FAM193A: variants seen among roughly 807,000 people sequenced by gnomAD.
FAM193A encodes the protein family with sequence similarity 193 member A.
In FAM193A, 22 loss-of-function variants were observed where a neutral mutation model predicts 126.5. That is an observed-to-expected ratio of 0.17 (90% CI 0.12 to 0.25). The LOEUF is 0.25. FAM193A is among the 10% of genes least tolerant of loss of function. FAM193A has a pLI of 1.00. For synonymous variants in FAM193A, 761 were observed against 646.8 expected (o/e 1.18, Z -2.68); for missense variants, 1,675 against 1,672.8 (o/e 1.00, Z -0.02).
chr4:2,649,324 A>G (rs758356589), intron 7 of FAM193A, among the ~76,000 whole-genome samples: 24 of 146,610 alleles, frequency 1.6e-4, no homozygotes, highest in Non-Finnish European at 2.7e-4. Flanking sequence ...GCAGTGATCT[A>G]TGATGGTGCC....
chr4:2,682,658 A>G (rs1715286170), intron 13 of FAM193A, among the ~76,000 whole-genome samples: 1 of 152,148 alleles, frequency 6.6e-6, no homozygotes, highest in African/African-American at 2.4e-5. Flanking sequence ...TAGTATATCA[A>G]TTTTATTTAT....
In FAM193A at chr4:2,541,942, C is replaced by T. The variant is rs1737260164; in HGVS notation, c.255+4772C>T. The stretch of plus-strand genomic sequence containing the variant: ...GCCTCCTGAGTTCAAGTGATTCCTC[C>T]TGAGTTCAAGTGATTCTCCTGCCTC... On this transcript the variant is annotated intron_variant, in intron 1 of 20. Coordinates refer to ENST00000637812, the MANE Select transcript of FAM193A (RefSeq NM_001366318.2). Among the ~76,000 whole-genome samples the T allele has an allele frequency of 2.6e-5, 4 of 151,912 alleles. 1 individual carries two copies. The South Asian group carries it at 8.3e-4, about 32-fold the overall frequency.
intron 19 of FAM193A, among the ~76,000 whole-genome samples, chr4:2,702,471 A>C (rs1717841274): frequency 6.6e-6 from 1 of 152,190 alleles, no homozygotes; most frequent in African/African-American, 2.4e-5. Flanking sequence ...CCAGACCTGG[A>C]CACTGCCATA....
At chr4:2,644,128 T>C (rs1044910839) in intron 6 of FAM193A, among the ~76,000 whole-genome samples, 2 of 152,226 alleles carry the variant, frequency 1.3e-5, no homozygotes, top group Non-Finnish European at 2.9e-5. Context: ...TCCCTGTGAC[T>C]CTTTTGATCC....
chr4:2,628,378 G>A (rs34964397), intron 4 of FAM193A, among the ~76,000 whole-genome samples: 4,820 of 152,280 alleles, frequency 0.032, 91 homozygotes, highest in South Asian at 0.07. Flanking sequence ...CCAGCCAAGC[G>A]TGGTGGCTCA....
intron 1 of FAM193A, among the ~76,000 whole-genome samples, chr4:2,590,496 CAAAAAAAAACA>C (rs1451974979): frequency 2.2e-5 from 1 of 45,796 alleles, no homozygotes; most frequent in Admixed American, 1.5e-4. Context: ...CAAAAAAAAA[CAAAAAAAAACA>C]AAAAAAAAAC....
chr4:2,683,608 T>G (rs1357636210), intron 13 of FAM193A, among the ~76,000 whole-genome samples: 3 of 152,244 alleles, frequency 2.0e-5, no homozygotes, highest in Non-Finnish European at 2.9e-5. Context: ...TTTCTCTTTT[T>G]CTTTGGTATT....
intron 20 of FAM193A, among the ~76,000 whole-genome samples, chr4:2,728,675 C>G (rs1171926616): frequency 6.6e-6 from 1 of 151,968 alleles, no homozygotes; most frequent in African/African-American, 2.4e-5. Context: ...TGTGTGTTGG[C>G]TTTGAGTCGT....
At chr4:2,625,473 A>G (rs1280928309) in intron 3 of FAM193A, 78 bp downstream of exon 3, 1 of 611,278 alleles carries the variant, frequency 1.6e-6, no homozygotes, top group Non-Finnish European at 3.0e-6. Context: ...TGGACGGAGA[A>G]ACTGGGCTAA....
intron 12 of FAM193A, among the ~76,000 whole-genome samples, chr4:2,671,165 C>T (rs551974211): frequency 1.3e-4 from 20 of 152,332 alleles, no homozygotes; most frequent in African/African-American, 4.1e-4. Flanking sequence ...TCCTCCAGCC[C>T]GTGAGGTGTC....
intron 12 of FAM193A, among the ~76,000 whole-genome samples, chr4:2,667,286 T>C (rs1713230011): frequency 6.6e-6 from 1 of 152,210 alleles, no homozygotes; most frequent in Non-Finnish European, 1.5e-5. Flanking sequence ...AAAGTCCTTA[T>C]CGCCTAATAC....
intron 1 of FAM193A, among the ~76,000 whole-genome samples, chr4:2,591,361 G>A (rs1740561676): frequency 6.6e-6 from 1 of 152,140 alleles, no homozygotes; most frequent in Non-Finnish European, 1.5e-5. Flanking sequence ...CTAAGGACTT[G>A]ATCTTTTTAG....
At chr4:2,587,226 T>C (rs1024917154) in intron 1 of FAM193A, among the ~76,000 whole-genome samples, 6 of 152,090 alleles carry the variant, frequency 3.9e-5, no homozygotes, top group African/African-American at 7.2e-5. Flanking sequence ...ACCCAGTGTG[T>C]CCAGATGACA....
intron 2 of FAM193A, among the ~76,000 whole-genome samples, chr4:2,618,047 G>A (rs964729805): frequency 6.6e-6 from 1 of 152,132 alleles, no homozygotes; most frequent in Non-Finnish European, 1.5e-5. Flanking sequence ...TGGAATTTGA[G>A]GTTGTTGGTC....
chr4:2,691,506 C>G (rs942530358), intron 15 of FAM193A, among the ~76,000 whole-genome samples: 2 of 152,196 alleles, frequency 1.3e-5, no homozygotes, highest in Non-Finnish European at 2.9e-5. Context: ...CAGATGTGAG[C>G]TGACAGGGCT....
intron 20 of FAM193A, among the ~76,000 whole-genome samples, chr4:2,717,903 C>T (rs752139303): frequency 6.6e-6 from 1 of 152,074 alleles, no homozygotes; most frequent in Non-Finnish European, 1.5e-5. Context: ...ATCCACCCCC[C>T]CTTGGCCTCC....
chr4:2,702,008 T>C (rs552146811), intron 19 of FAM193A, among the ~76,000 whole-genome samples: 1 of 152,096 alleles, frequency 6.6e-6, no homozygotes, highest in Non-Finnish European at 1.5e-5. Flanking sequence ...CCGACCTCAG[T>C]TGATCCGCCT....
chr4:2,578,344 A>G (rs1739725427), intron 1 of FAM193A, among the ~76,000 whole-genome samples: 1 of 152,232 alleles, frequency 6.6e-6, no homozygotes, highest in East Asian at 1.9e-4. Flanking sequence ...CATCATTTTA[A>G]TAATAAATAG....
At chr4:2,583,469 T>C (rs1259582128) in intron 1 of FAM193A, among the ~76,000 whole-genome samples, 3 of 152,114 alleles carry the variant, frequency 2.0e-5, no homozygotes, top group African/African-American at 4.8e-5. Flanking sequence ...TGAGTGGAGA[T>C]TGAGAGGAAG....
Sources: allele counts gnomAD v4.1 joint callset (sites outside exome capture counted in the v4.1 genomes callset), GRCh38; gene constraint gnomAD v4.1.1; transcripts MANE v1.5; gene names NCBI Gene and HGNC (gene_info 2026-07-23, HGNC 2026-07-21).